TMEM74: variants seen among roughly 807,000 people sequenced by gnomAD.
TMEM74 encodes transmembrane protein 74.
A neutral mutation model predicts 18.1 loss-of-function variants in TMEM74; 13 were observed. The observed-to-expected ratio is 0.72, with a 90% CI of 0.47 to 1.14. The LOEUF (loss-of-function observed/expected upper bound fraction) is 1.14, where lower values mean the gene tolerates loss of function less well. Ranked by LOEUF, TMEM74 falls within the 50% of genes most tolerant of loss-of-function variation. The probability of loss-of-function intolerance (pLI) is 0.00; values close to 1 mark genes in which losing one functional copy is unlikely to be tolerated. For synonymous variants in TMEM74, 159 were observed against 146.6 expected, an observed-to-expected ratio of 1.08 and a Z score of -0.61; for missense variants, 372 against 375.9, an observed-to-expected ratio of 0.99 and a Z score of 0.09.
chr8:108,698,924 T>C (rs936927035), intron 1 of TMEM74, among the ~76,000 whole-genome samples: 2 of 152,184 alleles, frequency 1.3e-5, no homozygotes, highest in Admixed American at 6.5e-5. Context: ...GGCTTGGCTT[T>C]GGTGTCTGTA....
Position 108,781,211 on chromosome 8 carries a change from A to G in TMEM74, c.*2970T>C, listed in dbSNP as rs1814302722. Reference sequence around the variant, plus strand: ...TTTTTCTTCTCTAGGACTAGCAATAAAAACTTTCACAGGTAACAACCAGCA... The same window carrying G: ...TTTTTCTTCTCTAGGACTAGCAATAGAAACTTTCACAGGTAACAACCAGCA... On this transcript the variant is annotated 3_prime_UTR_variant, in exon 2 of 2. Coordinates refer to ENST00000297459, the MANE Select transcript of TMEM74 (RefSeq NM_153015.3). Among the ~76,000 whole-genome samples, 1 of 152,190 alleles carries G rather than the reference A, an allele frequency of 6.6e-6. No homozygotes were observed. The highest frequency in any genetic ancestry group is 2.4e-5 in the African/African-American group (1 of 41,458).
rs151032633 is a variant in TMEM74 at position 108,771,616 on chromosome 8, A to G, written n.119+15860T>C. On this transcript the variant is annotated intron_variant and non_coding_transcript_variant, in intron 1 of 3. Coordinates refer to the TMEM74 transcript ENST00000518838. Reference sequence around the variant, plus strand: ...CAGCTACTTCACTTAATGTTACTTTATAAACATTTCTCCAGATTCTTAAGA... The same window carrying G: ...CAGCTACTTCACTTAATGTTACTTTGTAAACATTTCTCCAGATTCTTAAGA... Among the ~76,000 whole-genome samples, 218 of 152,300 alleles carry G rather than the reference A, an allele frequency of 1.4e-3. 1 individual carries two copies. The highest frequency in any genetic ancestry group is 4.6e-3 in the African/African-American group (193 of 41,576).
chr8:108,677,076 C>G (rs766163750), intron 1 of TMEM74, among the ~76,000 whole-genome samples: 3 of 152,204 alleles, frequency 2.0e-5, no homozygotes, highest in Non-Finnish European at 1.5e-5. Flanking sequence ...CTGTAAAATA[C>G]GTCATCGTAA....
intron 2 of TMEM74, among the ~76,000 whole-genome samples, chr8:108,640,818 T>C (rs1812658462): frequency 1.3e-5 from 2 of 152,306 alleles, no homozygotes; most frequent in Non-Finnish European, 1.5e-5. Context: ...GAAACACTTA[T>C]GTAAACAGTG....
intron 1 of TMEM74, among the ~76,000 whole-genome samples, chr8:108,690,257 C>T (rs1813211841): frequency 2.0e-5 from 3 of 152,084 alleles, no homozygotes; most frequent in African/African-American, 7.2e-5. Context: ...TGTGTTCATC[C>T]ATACATTTCT....
rs533000812 is a variant in TMEM74, at chr8:108,718,160, A to G, written n.120-62723T>C. On this transcript the variant is annotated intron_variant and non_coding_transcript_variant, in intron 1 of 3. Transcript: ENST00000518838. ...TTTTTAGTAGAGACGGGGTTTCACC[A>G]TTTTAGCCGGGATGGTCTCGATCTC... 5.4e-4 allele frequency among the ~76,000 whole-genome samples: 42 copies of G among 78,338 alleles called. 3 individuals carry two copies. The highest frequency in any genetic ancestry group is 3.2e-3 in the East Asian group (4 of 1,262). 51.4% of individuals were successfully genotyped at this position (78,338 alleles called of 152,430 possible). A position where few individuals can be genotyped will look rare whatever the true frequency, so the allele number is the denominator to read the frequency against.
intron 1 of TMEM74, among the ~76,000 whole-genome samples, chr8:108,701,539 A>G (rs988413213): frequency 1.6e-4 from 25 of 152,242 alleles, no homozygotes; most frequent in African/African-American, 2.7e-4. Flanking sequence ...AAGCAATTAC[A>G]GAAAGATTGT....
At chr8:108,752,963 C>A (rs766968619) in intron 1 of TMEM74, among the ~76,000 whole-genome samples, 4 of 152,028 alleles carry the variant, frequency 2.6e-5, no homozygotes, top group African/African-American at 9.7e-5. Context: ...AAATTTGTTA[C>A]TTTCCAACCT....
chr8:108,654,768 T>TA (rs1307172762), intron 2 of TMEM74, among the ~76,000 whole-genome samples: 1 of 150,706 alleles, frequency 6.6e-6, no homozygotes, highest in Non-Finnish European at 1.5e-5. Flanking sequence ...TTTTTTTTTT[T>TA]ATATTCCACC....
chr8:108,666,067 C>G (rs1026517670), intron 1 of TMEM74, among the ~76,000 whole-genome samples: 16 of 152,110 alleles, frequency 1.1e-4, no homozygotes, highest in Admixed American at 6.6e-5. Context: ...AAAATCACCA[C>G]AGAATGAAAC....
At chr8:108,614,259 T>C (rs1378322228) in intron 2 of TMEM74, among the ~76,000 whole-genome samples, 1 of 152,222 alleles carries the variant, frequency 6.6e-6, no homozygotes, top group East Asian at 1.9e-4. Context: ...TCTTCTTTTT[T>C]ATGCTTTAGC....
At chr8:108,692,450 C>T (rs1012588311) in intron 1 of TMEM74, among the ~76,000 whole-genome samples, 4 of 152,092 alleles carry the variant, frequency 2.6e-5, no homozygotes, top group African/African-American at 9.7e-5. Context: ...CAGTGTTAAC[C>T]ACCCCTTACT....
At chr8:108,631,407 T>C in intron 2 of TMEM74, among the ~76,000 whole-genome samples, 1 of 151,986 alleles carries the variant, frequency 6.6e-6, no homozygotes, top group Non-Finnish European at 1.5e-5. Flanking sequence ...TACCCTCCTT[T>C]AGCTTTCCGA....
intron 2 of TMEM74, among the ~76,000 whole-genome samples, chr8:108,642,409 G>A (rs3019399): frequency 0.43 from 63,826 of 146,742 alleles, 15,248 homozygotes; most frequent in East Asian, 0.71. Context: ...AAAAAAAAAA[G>A]AGAGAAAATA....
At chr8:108,617,004 T>C (rs937668375) in intron 2 of TMEM74, among the ~76,000 whole-genome samples, 1 of 151,792 alleles carries the variant, frequency 6.6e-6, no homozygotes, top group Non-Finnish European at 1.5e-5. Context: ...ATACTGACTA[T>C]ATATTTATAT....
chr8:108,771,458 CAAT>C (rs1814170008), intron 1 of TMEM74, among the ~76,000 whole-genome samples: 1 of 152,078 alleles, frequency 6.6e-6, no homozygotes, highest in Admixed American at 6.6e-5. Context: ...AAAAAATTAT[CAAT>C]AATTTTACTG....
At chr8:108,641,184 C>T (rs1394649034) in intron 2 of TMEM74, among the ~76,000 whole-genome samples, 4 of 152,048 alleles carry the variant, frequency 2.6e-5, no homozygotes, top group Non-Finnish European at 5.9e-5. Context: ...GCTATTTGTC[C>T]TTTTGAAGTT....
At chr8:108,616,408 C>G (rs1812384277) in intron 2 of TMEM74, among the ~76,000 whole-genome samples, 1 of 152,026 alleles carries the variant, frequency 6.6e-6, no homozygotes, top group South Asian at 2.1e-4. Flanking sequence ...TTGTAGAATC[C>G]CAGTTGAACA....
chr8:108,647,693 G>T (rs541485247), intron 2 of TMEM74, among the ~76,000 whole-genome samples: 1 of 152,188 alleles, frequency 6.6e-6, no homozygotes, highest in South Asian at 2.1e-4. Flanking sequence ...ACTATATACA[G>T]GATACATTGC....
Sources: gnomAD v4.1 joint callset for allele counts (sites outside exome capture counted in the v4.1 genomes callset) on GRCh38, gnomAD v4.1.1 for gene constraint, MANE v1.5 for transcripts, NCBI Gene and HGNC (gene_info 2026-07-23, HGNC 2026-07-21) for gene names.